The following PDS5A variants were observed in gnomAD, a reference collection of about 807,000 sequenced individuals.
PDS5A encodes the protein PDS5 cohesin associated factor A, also known as sister chromatid cohesion protein PDS5 homolog A.
A neutral mutation model predicts 167.1 loss-of-function variants in PDS5A; 42 were observed. The observed-to-expected ratio is 0.25, with a 90% CI of 0.20 to 0.33. The LOEUF (loss-of-function observed/expected upper bound fraction) is 0.33. PDS5A is among the 10% of genes least tolerant of loss of function. PDS5A has a pLI of 1.00. For synonymous variants in PDS5A, 553 were observed against 554.6 expected (o/e 1.00, Z 0.04); for missense variants, 1,033 against 1,605.9 (o/e 0.64, Z 6.10).
chr4:39,960,025 G>A (rs1179110316), intron 2 of PDS5A, among the ~76,000 whole-genome samples: 1 of 152,110 alleles, frequency 6.6e-6, no homozygotes, highest in Admixed American at 6.6e-5. Context: ...ACTGGGAGGT[G>A]GAGGTTGCAG....
intron 2 of PDS5A, among the ~76,000 whole-genome samples, chr4:39,955,015 G>T (rs1258955203): frequency 6.6e-6 from 1 of 152,064 alleles, no homozygotes; most frequent in Non-Finnish European, 1.5e-5. Flanking sequence ...ACGCCAGCCA[G>T]CCTGGGTGAC....
intron 32 of PDS5A, 130 bp from the exon 33 acceptor site, chr4:39,825,618 C>A (rs1004875202): frequency 2.0e-5 from 13 of 646,628 alleles, no homozygotes; most frequent in Middle Eastern, 4.2e-4. Context: ...GCATCAGGAT[C>A]TCACTCTGTC....
At chr4:39,852,116 T>C (rs1182083042) in intron 26 of PDS5A, among the ~76,000 whole-genome samples, 2 of 152,206 alleles carry the variant, frequency 1.3e-5, no homozygotes, top group African/African-American at 4.8e-5. Flanking sequence ...TCCACCTTAA[T>C]TTTATGCAGA....
At chr4:39,947,175 C>G (rs1727855180) in intron 2 of PDS5A, among the ~76,000 whole-genome samples, 1 of 152,084 alleles carries the variant, frequency 6.6e-6, no homozygotes, top group Admixed American at 6.6e-5. Context: ...CAAACATGAC[C>G]AGGCATGGTG....
At chr4:39,873,233 G>T in intron 20 of PDS5A, 89 bp from the exon 21 acceptor site, 2 of 703,022 alleles carry the variant, frequency 2.8e-6, no homozygotes, top group Non-Finnish European at 4.2e-6. Flanking sequence ...GAGTCCTCCT[G>T]AATTTACCAT....
chr4:39,965,738 G>A (rs935876697), intron 2 of PDS5A, among the ~76,000 whole-genome samples: 3 of 152,118 alleles, frequency 2.0e-5, no homozygotes, highest in Admixed American at 6.6e-5. Flanking sequence ...GTAAGTCAAA[G>A]TCATCTAGAC....
chr4:39,927,922 G>T (rs1204063872), intron 3 of PDS5A, 39 bp downstream of exon 3: 3 of 1,389,704 alleles, frequency 2.2e-6, no homozygotes, highest in South Asian at 2.3e-5. Flanking sequence ...GAACAGTGGT[G>T]AATGAAAAAT....
intron 32 of PDS5A, among the ~76,000 whole-genome samples, chr4:39,833,150 C>G (rs1369058434): frequency 1.7e-5 from 2 of 116,108 alleles, no homozygotes; most frequent in Non-Finnish European, 3.3e-5. Context: ...GAGATCGTGT[C>G]GTTGCACTCC....
intron 17 of PDS5A, among the ~76,000 whole-genome samples, chr4:39,887,905 A>C (rs1170249343): frequency 7.0e-6 from 1 of 143,610 alleles, no homozygotes; most frequent in African/African-American, 2.5e-5. Context: ...AACAAAACAA[A>C]AAAACACCAG....
intron 2 of PDS5A, among the ~76,000 whole-genome samples, chr4:39,951,454 T>A (rs1223334476): frequency 1.4e-4 from 21 of 152,238 alleles, no homozygotes. Flanking sequence ...GTAAGGAAAC[T>A]ACTGTTACTT....
At chr4:39,838,279 G>A (rs1716619832) in intron 31 of PDS5A, 71 bp from the exon 32 acceptor site, 3 of 1,137,598 alleles carry the variant, frequency 2.6e-6, no homozygotes, top group Non-Finnish European at 3.6e-6. Context: ...AGAAAAGAGT[G>A]TTTTGAAAGT....
chr4:39,952,140 G>A (rs934660380), intron 2 of PDS5A, among the ~76,000 whole-genome samples: 7 of 151,812 alleles, frequency 4.6e-5, no homozygotes, highest in Admixed American at 6.6e-5. Context: ...GACCAGCATG[G>A]CCAACATTGT....
rs765910812 is a variant in PDS5A, at chr4:39,848,905, T to C, written c.3285A>G (p.Ala1095=). Residue 1095 remains alanine, a synonymous_variant, in exon 28 of 33, where the codon GCA becomes GCG. Transcript: ENST00000303538. ...GGAGGACTGGGTCCTTTGGTGAATC[T>C]GCATTGCACAAAGCACTTTTACTAT... ...VINSKSALCN[A]DSPKDPVLPM... The C allele has an allele frequency of 4.4e-6, 7 of 1,604,766 alleles. No individual in the cohort carries two copies. Among genetic ancestry groups the C allele is most frequent in the South Asian group, 1.1e-5 (1 of 89,924 alleles).
At chr4:39,964,432 A>G (rs985155494) in intron 2 of PDS5A, among the ~76,000 whole-genome samples, 4 of 152,250 alleles carry the variant, frequency 2.6e-5, no homozygotes, top group African/African-American at 9.6e-5. Context: ...AGCCAGACTC[A>G]GAGGCTTATG....
At chr4:39,892,103 A>G (rs1168877214) in intron 16 of PDS5A, among the ~76,000 whole-genome samples, 1 of 151,818 alleles carries the variant, frequency 6.6e-6, no homozygotes. Flanking sequence ...CAAAACAAAA[A>G]ACAAAAAACA....
chr4:39,899,135 A>C (rs924687556), intron 14 of PDS5A, among the ~76,000 whole-genome samples: 3 of 152,204 alleles, frequency 2.0e-5, no homozygotes, highest in Non-Finnish European at 4.4e-5. Context: ...TCAATGAAGC[A>C]ATCAACATAT....
intron 2 of PDS5A, among the ~76,000 whole-genome samples, chr4:39,940,435 A>G (rs1727116566): frequency 6.6e-6 from 1 of 152,068 alleles, no homozygotes; most frequent in Non-Finnish European, 1.5e-5. Flanking sequence ...TACTTATTAA[A>G]CTGCATTTGT....
chr4:39,925,167 C>A (rs979607226), intron 5 of PDS5A, among the ~76,000 whole-genome samples: 11 of 151,990 alleles, frequency 7.2e-5, no homozygotes, highest in African/African-American at 2.7e-4. Context: ...ACAAAACCCA[C>A]ACACAAAAAA....
In PDS5A at chr4:39,900,428, T is replaced by C. The variant is rs1400716172; in HGVS notation, c.1579A>G (p.Thr527Ala). ...RELLDLHKQP[T>A]SEANCSAMFG... ...ATTTAAACAAATCATGAACCTACTGTAGGCTGCTTGTGCAAATCCAATAGT... is the reference window on the plus strand; with the variant it reads ...ATTTAAACAAATCATGAACCTACTGCAGGCTGCTTGTGCAAATCCAATAGT... Residue 527 changes from threonine to alanine, a missense_variant and splice_region_variant, in exon 14 of 33, where the codon ACA becomes GCA. Physicochemically the swap from Thr to Ala is moderately conservative, Grantham distance 58 (BLOSUM62 0). Transcript: ENST00000303538. 2 of 1,564,810 alleles carry C rather than the reference T, an allele frequency of 1.3e-6. No individual in the cohort carries two copies. Among genetic ancestry groups the C allele is most frequent in the African/African-American group, 1.3e-5 (1 of 74,250 alleles).
Sources: allele counts gnomAD v4.1 joint callset (sites outside exome capture counted in the v4.1 genomes callset), GRCh38; gene constraint gnomAD v4.1.1; transcripts MANE v1.5; gene names NCBI Gene and HGNC (gene_info 2026-07-23, HGNC 2026-07-21).